Variants in NME8 observed in about 807,000 individuals in gnomAD.
The protein encoded by NME8 is NME/NM23 family member 8.
A neutral mutation model predicts 82.3 loss-of-function variants in NME8; 72 were observed. The ratio of observed to expected loss-of-function variants is 0.87; its 90% CI spans 0.72 to 1.06. NME8 has a LOEUF of 1.06. Ranked by LOEUF, NME8 falls within the 50% of genes least tolerant of loss-of-function variation. NME8 has a pLI of 0.00. For missense variants in NME8, 712 were observed against 685.4 expected (o/e 1.04, Z -0.43); for synonymous variants, 267 against 228.5 (o/e 1.17, Z -1.52).
intron 12 of NME8, among the ~76,000 whole-genome samples, chr7:37,877,763 C>T (rs1022301096): frequency 1.3e-5 from 2 of 152,120 alleles, no homozygotes; most frequent in African/African-American, 4.8e-5. Context: ...CATCCTTGGC[C>T]TCTACTCACT....
chr7:37,876,159 G>A (rs958387765), intron 11 of NME8, among the ~76,000 whole-genome samples: 9 of 151,738 alleles, frequency 5.9e-5, no homozygotes, highest in Non-Finnish European at 8.8e-5. Context: ...AGTGAGCCAA[G>A]ATTGCACCAC....
At chr7:37,882,611 GAGAGAAAGAAAGAA>G (rs1562838351) in intron 12 of NME8, among the ~76,000 whole-genome samples, 1 of 49,284 alleles carries the variant, frequency 2.0e-5, no homozygotes, top group Admixed American at 2.7e-4. Context: ...GAGAGAGAGA[GAGAGAAAGAAAGAA>G]AGAAAGAAAG....
intron 13 of NME8, 151 bp from the exon 14 acceptor site, chr7:37,884,994 A>C: frequency 1.6e-6 from 1 of 644,424 alleles, no homozygotes; most frequent in Non-Finnish European, 2.8e-6. Context: ...AAAACATATC[A>C]ACGGAAAAAA....
At chr7:37,871,548 AT>A (rs1784767338) in intron 11 of NME8, among the ~76,000 whole-genome samples, 1 of 152,078 alleles carries the variant, frequency 6.6e-6, no homozygotes, top group South Asian at 2.1e-4. Context: ...TCATTCACTT[AT>A]TCTGTTATGT....
chr7:37,862,078 T>G lies in NME8; in HGVS notation c.321T>G (p.Asn107Lys). The change falls in exon 7 of 18, where the codon AAT becomes AAG. Residue 107 changes from asparagine to lysine, a missense_variant. Physicochemically the swap from Asn to Lys is moderately conservative, Grantham distance 94 (BLOSUM62 0). Coordinates refer to ENST00000199447, the MANE Select transcript of NME8 (RefSeq NM_016616.5). ...KIQGANAPLV[N>K]KKVINLIDEE... ...AGGGTGCAAATGCACCGCTTGTTAA[T>G]AAAAAAGTTATTAATTTGATCGATG... is the stretch of plus-strand genomic sequence containing the variant. 6.2e-7 allele frequency: 1 copy of G among 1,613,798 alleles called. No individual in the cohort carries two copies. The highest frequency in any genetic ancestry group is 1.7e-5 in the Admixed American group (1 of 59,990).
At chr7:37,870,190 G>T (rs1159243691) in intron 11 of NME8, among the ~76,000 whole-genome samples, 1 of 148,856 alleles carries the variant, frequency 6.7e-6, no homozygotes, top group Non-Finnish European at 1.5e-5. Flanking sequence ...GGAAGAAGAA[G>T]AATTGTCTTG....
chr7:37,881,269 A>G (rs192069934), intron 12 of NME8, among the ~76,000 whole-genome samples: 1 of 152,036 alleles, frequency 6.6e-6, no homozygotes, highest in Non-Finnish European at 1.5e-5. Context: ...GTTTCTTTCC[A>G]TTAAGGACAG....
chr7:37,871,277 C>T (rs1439774268), intron 11 of NME8, among the ~76,000 whole-genome samples: 1 of 152,174 alleles, frequency 6.6e-6, no homozygotes, highest in Admixed American at 6.5e-5. Context: ...CTGCCTGCTC[C>T]AGTGGCTGCA....
intron 11 of NME8, among the ~76,000 whole-genome samples, chr7:37,869,802 G>GCTCAGAAACTGATA (rs1784741677): frequency 6.6e-6 from 1 of 152,074 alleles, no homozygotes; most frequent in Non-Finnish European, 1.5e-5. Context: ...GTGTGCTCGG[G>GCTCAGAAACTGATA]CTCAGAAACT....
intron 13 of NME8, 88 bp from the exon 14 acceptor site, chr7:37,885,057 T>A: frequency 1.2e-6 from 1 of 800,240 alleles, no homozygotes; most frequent in Non-Finnish European, 2.2e-6. Context: ...TTTTGATCTA[T>A]TTAACAATAT....
chr7:37,869,818 T>G (rs1784741782), intron 11 of NME8, among the ~76,000 whole-genome samples: 1 of 152,042 alleles, frequency 6.6e-6, no homozygotes, highest in South Asian at 2.1e-4. Flanking sequence ...AAACTGATAC[T>G]CAAAATATGG....
chr7:37,890,582 A>G (rs1214069046), intron 15 of NME8, among the ~76,000 whole-genome samples: 2 of 151,876 alleles, frequency 1.3e-5, no homozygotes, highest in African/African-American at 4.8e-5. Flanking sequence ...CCTGCCCCAT[A>G]GCCTCCCCAC....
Position 37,856,027 on chromosome 7 carries a change from A to G in NME8, c.199-1247A>G, listed in dbSNP as rs575870332. Among the ~76,000 whole-genome samples, 7 of 152,152 alleles carry G rather than the reference A, an allele frequency of 4.6e-5. No individual in the cohort carries two copies. In the East Asian group the frequency reaches 1.3e-3, roughly 29 times the overall value. On this transcript the variant is annotated intron_variant, in intron 5 of 17. Transcript: ENST00000199447. ...CTGCAGACCTCAATCTAGGGTACCT[A>G]TCAGGCAAGTCAGCTCTTTCTTGTA...
At chr7:37,896,369 T>C (rs561788952) in intron 16 of NME8, among the ~76,000 whole-genome samples, 1 of 107,266 alleles carries the variant, frequency 9.3e-6, no homozygotes, top group African/African-American at 2.8e-5. Flanking sequence ...CAAGTCAAGA[T>C]GTAGTGCAGA....
At chr7:37,849,126 A>G (rs1784402076) in intron 2 of NME8, 70 bp downstream of exon 2, 1 of 152,258 alleles carries the variant, frequency 6.6e-6, no homozygotes, top group Non-Finnish European at 1.5e-5. Flanking sequence ...CCTTTGTTGT[A>G]CGCTAGCGTG....
At chr7:37,881,018 C>A (rs950342053) in intron 12 of NME8, among the ~76,000 whole-genome samples, 2 of 151,974 alleles carry the variant, frequency 1.3e-5, no homozygotes, top group Non-Finnish European at 1.5e-5. Context: ...TATCAGTGCC[C>A]GAAGTTTTGT....
At position 37,894,455 on chromosome 7, in the gene NME8, G is replaced by A; in HGVS notation, c.1400-11G>A. 1 of 1,611,810 alleles carries A rather than the reference G, an allele frequency of 6.2e-7. No individual in the cohort carries two copies. The highest frequency in any genetic ancestry group is 1.1e-5 in the South Asian group (1 of 91,024). The stretch of plus-strand genomic sequence containing the variant: ...CAATCTGCAATATTATCAAATATTT[G>A]TTTTTCTTAGAGCAGATCCTGAAGA... On this transcript the variant is annotated splice_polypyrimidine_tract_variant and intron_variant, in intron 15 of 17. Transcript: ENST00000199447.
intron 16 of NME8, among the ~76,000 whole-genome samples, chr7:37,895,927 T>G (rs909171318): frequency 1.3e-5 from 2 of 152,182 alleles, no homozygotes; most frequent in African/African-American, 2.4e-5. Flanking sequence ...TATCTAGGTT[T>G]CTGTAAGTAT....
At chr7:37,856,807 TACTATCTCTGTGCAC>T (rs1337431615) in intron 5 of NME8, among the ~76,000 whole-genome samples, 1 of 152,190 alleles carries the variant, frequency 6.6e-6, no homozygotes, top group Non-Finnish European at 1.5e-5. Context: ...ATAGGAAACA[TACTATCTCTGTGCAC>T]ACAACTCTCC....
Sources: gnomAD v4.1 joint callset for allele counts (sites outside exome capture counted in the v4.1 genomes callset) on GRCh38, gnomAD v4.1.1 for gene constraint, MANE v1.5 for transcripts, NCBI Gene and HGNC (gene_info 2026-07-23, HGNC 2026-07-21) for gene names.